Variants in HDGFL3 observed in about 807,000 individuals in gnomAD.
HDGFL3 encodes the protein hepatoma-derived growth factor-related protein 3.
HDGFL3 carries 6 observed loss-of-function variants against 27.6 expected under a neutral mutation model. The ratio of observed to expected loss-of-function variants is 0.22; its 90% confidence interval spans 0.12 to 0.43. The LOEUF is 0.43. HDGFL3 is among the 20% of genes least tolerant of loss of function. The pLI is 1.00. For missense variants in HDGFL3, 207 were observed against 250.1 expected (o/e 0.83, Z 1.16); for synonymous variants, 88 against 88.9 (o/e 0.99, Z 0.05).
intron 1 of HDGFL3, among the ~76,000 whole-genome samples, chr15:83,173,919 C>G (rs368200908): frequency 6.6e-6 from 1 of 152,210 alleles, no homozygotes; most frequent in Non-Finnish European, 1.5e-5. Context: ...AACTAACATA[C>G]GGCAACAGCC....
rs370356351 is a variant in HDGFL3, at chr15:83,157,425, T to G, written c.449A>C (p.Tyr150Ser). ...AAGTTTCTTAGTAACCTTTGAAGTA[T>G]ATGACTTTTTCCGTTTTGAGCCTGC... ...EKAGSKRKKS[Y>S]TSKKSSKQSR... The change falls in exon 4 of 6, where the codon TAT becomes TCT. Residue 150 changes from tyrosine (Y) to serine (S), a missense_variant. Coordinates refer to ENST00000299633, the MANE Select transcript of HDGFL3 (RefSeq NM_016073.4). 2 of 1,612,678 alleles carry G rather than the reference T, an allele frequency of 1.2e-6. No individual in the cohort carries two copies. Among genetic ancestry groups the G allele is most frequent in the African/African-American group, 2.7e-5 (2 of 74,912 alleles).
intron 4 of HDGFL3, among the ~76,000 whole-genome samples, chr15:83,154,470 G>T (rs1335387519): frequency 6.6e-6 from 1 of 152,172 alleles, no homozygotes; most frequent in Non-Finnish European, 1.5e-5. Flanking sequence ...AGCAGGATAA[G>T]CCTCACCTGG....
At chr15:83,197,480 C>A (rs1436467260) in intron 1 of HDGFL3, among the ~76,000 whole-genome samples, 3 of 152,202 alleles carry the variant, frequency 2.0e-5, no homozygotes, top group African/African-American at 7.2e-5. Flanking sequence ...GCAAGGCAAT[C>A]TCTTTTTGAT....
intron 1 of HDGFL3, among the ~76,000 whole-genome samples, chr15:83,187,375 GTCTC>G (rs1304704861): frequency 1.3e-5 from 2 of 151,536 alleles, no homozygotes; most frequent in East Asian, 1.9e-4. Context: ...CTCTGTGTGT[GTCTC>G]TCTCTCAAAC....
downstream of HDGFL3, chr15:83,122,756 G>A: frequency 6.2e-7 from 1 of 1,613,130 alleles, no homozygotes; most frequent in African/African-American, 1.3e-5. Flanking sequence ...CTTTTAAATA[G>A]GGAAGTATGG....
At chr15:83,166,423 G>A (rs1324157664) in intron 1 of HDGFL3, among the ~76,000 whole-genome samples, 2 of 152,254 alleles carry the variant, frequency 1.3e-5, no homozygotes, top group Non-Finnish European at 2.9e-5. Context: ...AAAGGAATTC[G>A]TTACTACTAG....
chr15:83,151,129 G>A, intron 5 of HDGFL3, 86 bp downstream of exon 5: 1 of 1,226,796 alleles, frequency 8.2e-7, no homozygotes, highest in South Asian at 1.4e-5. Context: ...TCAACACAAT[G>A]TTTACTAATG....
intron 3 of HDGFL3, chr15:83,119,556 T>C (rs2035025830): frequency 6.2e-7 from 1 of 1,612,850 alleles, no homozygotes; most frequent in Non-Finnish European, 8.5e-7. Context: ...TAAAGTGGAC[T>C]TCTTTTTAAT....
At chr15:83,123,378 A>T (rs571412309), downstream of HDGFL3, among the ~76,000 whole-genome samples, 1 of 152,276 alleles carries the variant, frequency 6.6e-6, no homozygotes, top group Admixed American at 6.5e-5. Flanking sequence ...CCTCCCTTCC[A>T]TTCACAGCCA....
rs1720222035 is a variant in HDGFL3 at position 83,147,542 on chromosome 15, A to C, written c.606+3673T>G. ...TATTAAATATTTGAAAACTAAAACT[A>C]TTCAATTAGCCCTACATGATATCAG... is the stretch of plus-strand genomic sequence containing the variant. On this transcript the variant is annotated intron_variant, in intron 5 of 5. Coordinates refer to ENST00000299633, the MANE Select transcript of HDGFL3 (RefSeq NM_016073.4). 2.6e-5 allele frequency among the ~76,000 whole-genome samples: 4 copies of C among 152,186 alleles called. No individual in the cohort carries two copies. The South Asian group carries it at 8.3e-4, about 32-fold the overall frequency.
In HDGFL3 at chr15:83,188,918, A is replaced by G. The variant is rs557041996; in HGVS notation, c.84+18413T>C. Among the ~76,000 whole-genome samples, 4 of 152,244 alleles carry G rather than the reference A, an allele frequency of 2.6e-5. No homozygotes were observed. The South Asian group carries it at 6.2e-4, about 24-fold the overall frequency. Reference sequence around the variant, plus strand: ...CTCTTAACATCTTGTGGCCTAATCTACTTAGCTTTCAAGATTCTCCATGTG... The same window carrying G: ...CTCTTAACATCTTGTGGCCTAATCTGCTTAGCTTTCAAGATTCTCCATGTG... On this transcript the variant is annotated intron_variant, in intron 1 of 5. Coordinates refer to ENST00000299633, the MANE Select transcript of HDGFL3 (RefSeq NM_016073.4).
intron 3 of HDGFL3, chr15:83,122,636 T>C: frequency 9.6e-7 from 1 of 1,046,216 alleles, no homozygotes; most frequent in African/African-American, 1.6e-5. Flanking sequence ...TTTGGCCTCA[T>C]TAAAAATATT....
chr15:83,201,001 A>C (rs1288497899), intron 1 of HDGFL3, among the ~76,000 whole-genome samples: 1 of 152,016 alleles, frequency 6.6e-6, no homozygotes, highest in Non-Finnish European at 1.5e-5. Flanking sequence ...TATTTCAATG[A>C]GGGTACTTTT....
intron 1 of HDGFL3, among the ~76,000 whole-genome samples, chr15:83,188,391 C>T (rs555580908): frequency 1.4e-4 from 21 of 152,322 alleles, no homozygotes; most frequent in African/African-American, 4.8e-4. Context: ...GCTGGGACTA[C>T]AGGTGTGCAC....
intron 2 of HDGFL3, among the ~76,000 whole-genome samples, chr15:83,162,983 C>G (rs529731334): frequency 6.6e-6 from 1 of 152,128 alleles, no homozygotes; most frequent in African/African-American, 2.4e-5. Flanking sequence ...CTGAATATTC[C>G]TTCCAATTTT....
At chr15:83,200,661 T>C (rs1291551484) in intron 1 of HDGFL3, among the ~76,000 whole-genome samples, 1 of 152,128 alleles carries the variant, frequency 6.6e-6, no homozygotes, top group South Asian at 2.1e-4. Flanking sequence ...GTAAGAATTA[T>C]CATCCATCCT....
chr15:83,164,216 A>G (rs2037135108), intron 1 of HDGFL3, 141 bp from the exon 2 acceptor site: 1 of 595,906 alleles, frequency 1.7e-6, no homozygotes, highest in African/African-American at 2.0e-5. Flanking sequence ...AATGATTCTA[A>G]AGTTCCTATT....
intron 3 of HDGFL3, chr15:83,120,004 C>T (rs551290671): frequency 2.0e-5 from 5 of 247,416 alleles, no homozygotes; most frequent in Admixed American, 2.0e-4. Context: ...TCAAAATTTC[C>T]AAACAGCAAT....
At chr15:83,161,931 T>A (rs1436747045) in intron 2 of HDGFL3, among the ~76,000 whole-genome samples, 1 of 152,174 alleles carries the variant, frequency 6.6e-6, no homozygotes, top group Non-Finnish European at 1.5e-5. Flanking sequence ...CTAAAACTAC[T>A]GGGTTTATGT....
Sources: gnomAD v4.1 joint callset for allele counts (sites outside exome capture counted in the v4.1 genomes callset) on GRCh38, gnomAD v4.1.1 for gene constraint, MANE v1.5 for transcripts, NCBI Gene and HGNC (gene_info 2026-07-23, HGNC 2026-07-21) for gene names.